Variants in CRB1 observed in about 807,000 individuals in gnomAD.
CRB1 encodes crumbs cell polarity complex component 1, also known as protein crumbs homolog 1.
A neutral mutation model predicts 120.0 loss-of-function variants in CRB1; 83 were observed. The ratio of observed to expected loss-of-function variants is 0.69; its 90% confidence interval spans 0.58 to 0.83. The LOEUF is 0.83. Ranked by LOEUF, CRB1 falls within the 40% of genes least tolerant of loss-of-function variation. The pLI is 0.00. For synonymous variants in CRB1, 625 were observed against 612.5 expected, an observed-to-expected ratio of 1.02 and a Z score of -0.30; for missense variants, 1,699 against 1,687.6, an observed-to-expected ratio of 1.01 and a Z score of -0.12.
At chr1:197,455,765 T>C (rs1245856278) in intron 11 of CRB1, among the ~76,000 whole-genome samples, 1 of 152,130 alleles carries the variant, frequency 6.6e-6, no homozygotes, top group Admixed American at 6.6e-5. Context: ...TGTATAATTT[T>C]CCTAAATTTC....
chr1:197,342,404 T>C (rs1204697276), intron 2 of CRB1, among the ~76,000 whole-genome samples: 1 of 152,198 alleles, frequency 6.6e-6, no homozygotes, highest in Non-Finnish European at 1.5e-5. Flanking sequence ...TCTCTAAACA[T>C]TCTTGTTTTT....
intron 4 of CRB1, among the ~76,000 whole-genome samples, chr1:197,353,834 A>C (rs1227535465): frequency 1.3e-5 from 2 of 150,784 alleles, no homozygotes; most frequent in Admixed American, 6.6e-5. Flanking sequence ...AAAAAAAAAA[A>C]AAACTTTATA....
At chr1:197,361,508 T>G (rs999352360) in intron 5 of CRB1, among the ~76,000 whole-genome samples, 1 of 152,038 alleles carries the variant, frequency 6.6e-6, no homozygotes, top group African/African-American at 2.4e-5. Flanking sequence ...AATTGTGTAT[T>G]TTGCTGTCGT....
At chr1:197,401,557 G>C (rs1437039065) in intron 5 of CRB1, among the ~76,000 whole-genome samples, 1 of 152,050 alleles carries the variant, frequency 6.6e-6, no homozygotes, top group African/African-American at 2.4e-5. Flanking sequence ...GAATAACCTT[G>C]AACAATTTGT....
At chr1:197,428,187 G>A (rs1460872769) in intron 7 of CRB1, among the ~76,000 whole-genome samples, 186 bp downstream of exon 7, 2 of 152,114 alleles carry the variant, frequency 1.3e-5, no homozygotes, top group Admixed American at 1.3e-4. Context: ...TAGAAATGAG[G>A]CCTTGATCTT....
intron 5 of CRB1, among the ~76,000 whole-genome samples, chr1:197,366,418 G>A (rs1350179522): frequency 6.6e-6 from 1 of 152,114 alleles, no homozygotes; most frequent in African/African-American, 2.4e-5. Flanking sequence ...CTTTCCAAGT[G>A]TTAAATACAG....
chr1:197,354,446 G>T (rs1660311912), intron 4 of CRB1, among the ~76,000 whole-genome samples: 1 of 152,104 alleles, frequency 6.6e-6, no homozygotes, highest in Non-Finnish European at 1.5e-5. Context: ...TCCGCAGTCT[G>T]TTCTTTCTGA....
At chr1:197,317,869 A>G (rs1267762220) in intron 1 of CRB1, among the ~76,000 whole-genome samples, 1 of 152,150 alleles carries the variant, frequency 6.6e-6, no homozygotes, top group South Asian at 2.1e-4. Flanking sequence ...AGACTTAAAC[A>G]TAAGACCTGA....
At chr1:197,369,337 A>ACC (rs1661246002) in intron 5 of CRB1, among the ~76,000 whole-genome samples, 2 of 151,852 alleles carry the variant, frequency 1.3e-5, no homozygotes, top group South Asian at 4.2e-4. Context: ...CCTCAGAAAC[A>ACC]CCCCTCTCCT....
chr1:197,346,844 T>C (rs1659804442), intron 3 of CRB1, among the ~76,000 whole-genome samples: 1 of 152,232 alleles, frequency 6.6e-6, no homozygotes, highest in Non-Finnish European at 1.5e-5. Context: ...TAAAGGCTTT[T>C]CCTGAGTTTT....
intron 5 of CRB1, among the ~76,000 whole-genome samples, chr1:197,417,060 A>T (rs1270072970): frequency 6.6e-6 from 1 of 152,198 alleles, no homozygotes; most frequent in Non-Finnish European, 1.5e-5. Flanking sequence ...AGGCAATTTG[A>T]AGGAGTGGGT....
chr1:197,453,636 G>A (rs1666097584), intron 11 of CRB1, among the ~76,000 whole-genome samples: 1 of 145,524 alleles, frequency 6.9e-6, no homozygotes, highest in African/African-American at 2.5e-5. Flanking sequence ...GAGTCCAGGG[G>A]TGTGATCACA....
chr1:197,229,811 T>C, the CRB1 span, among the ~76,000 whole-genome samples: 1 of 152,192 alleles, frequency 6.6e-6, no homozygotes, highest in Non-Finnish European at 1.5e-5. Context: ...ATAATGAGTC[T>C]TGTTCTAAGG....
intron 11 of CRB1, among the ~76,000 whole-genome samples, chr1:197,456,004 T>A (rs1356257850): frequency 6.6e-6 from 1 of 152,150 alleles, no homozygotes; most frequent in Non-Finnish European, 1.5e-5. Context: ...ATATTCATGA[T>A]TATTTCATTG....
intron 5 of CRB1, among the ~76,000 whole-genome samples, chr1:197,372,504 A>G (rs1194415771): frequency 6.6e-6 from 1 of 152,214 alleles, no homozygotes; most frequent in Non-Finnish European, 1.5e-5. Flanking sequence ...TGGTTTGGTT[A>G]ATTCAGTACA....
In CRB1 at chr1:197,421,041, C is replaced by A. The variant is rs774063449; in HGVS notation, c.1213C>A (p.Pro405Thr). 20 of 1,613,908 alleles carry A rather than the reference C, an allele frequency of 1.2e-5. No individual in the cohort carries two copies. Among genetic ancestry groups the A allele is most frequent in the Non-Finnish European group, 1.6e-5 (19 of 1,179,932 alleles). The stretch of plus-strand genomic sequence containing the variant: ...AGACGTCAATGAATGTTCTTCAAAC[C>A]CTTGCCAAAATGGTGGTACTTGTGA... The part of the protein sequence containing the change: ...EEDVNECSSN[P>T]CQNGGTCENL... Residue 405 changes from proline (P) to threonine (T), a missense_variant, in exon 6 of 12, where the codon CCT becomes ACT. Coordinates refer to ENST00000367400, the MANE Select transcript of CRB1 (RefSeq NM_201253.3).
intron 1 of CRB1, among the ~76,000 whole-genome samples, chr1:197,324,988 C>T (rs911383042): frequency 6.6e-6 from 1 of 152,182 alleles, no homozygotes; most frequent in African/African-American, 2.4e-5. Context: ...GATTCTATCA[C>T]GCAGTACATC....
At chr1:197,231,052 C>T in the CRB1 span, among the ~76,000 whole-genome samples, 1 of 152,058 alleles carries the variant, frequency 6.6e-6, no homozygotes, top group Non-Finnish European at 1.5e-5. Flanking sequence ...GACTTTGCTT[C>T]CCAATTTGGA....
chr1:197,201,520 C>T, the CRB1 span, among the ~76,000 whole-genome samples: 1 of 152,182 alleles, frequency 6.6e-6, no homozygotes, highest in African/African-American at 2.4e-5. Flanking sequence ...CCTCGGAGAC[C>T]CTAGCTACAC....
Sources: allele counts gnomAD v4.1 joint callset (sites outside exome capture counted in the v4.1 genomes callset), GRCh38; gene constraint gnomAD v4.1.1; transcripts MANE v1.5; gene names NCBI Gene and HGNC (gene_info 2026-07-23, HGNC 2026-07-21).